The following SNTB2 variants were observed in gnomAD, a reference collection of about 807,000 sequenced individuals.
SNTB2 encodes the protein beta-2-syntrophin.
In SNTB2, 34 loss-of-function variants were observed where a neutral mutation model predicts 46.2. The ratio of observed to expected loss-of-function variants is 0.74; its 90% CI spans 0.56 to 0.98. SNTB2 has a LOEUF of 0.98. Among genes scored for constraint, SNTB2 ranks in the 50% least tolerant of loss-of-function variants. The pLI, the probability that SNTB2 is intolerant of heterozygous loss-of-function variation, is 0.00. For missense variants in SNTB2, 603 were observed against 731.4 expected (o/e 0.82, Z 2.02); for synonymous variants, 290 against 312.6 (o/e 0.93, Z 0.76).
At chr16:69,271,722 A>T in intron 4 of SNTB2, among the ~76,000 whole-genome samples, 1 of 152,206 alleles carries the variant, frequency 6.6e-6, no homozygotes. Context: ...GAATCAGCTT[A>T]CACTTTGGTT....
chr16:69,225,933 A>G (rs1252223948), intron 1 of SNTB2, among the ~76,000 whole-genome samples: 1 of 151,598 alleles, frequency 6.6e-6, no homozygotes, highest in Non-Finnish European at 1.5e-5. Context: ...ACACCTGGCT[A>G]ATTTTTGTAG....
rs1191020545 is a variant in SNTB2, at chr16:69,303,580, A to G, written c.*2656A>G. On this transcript the variant is annotated 3_prime_UTR_variant, in exon 7 of 7. Coordinates refer to ENST00000336278, the MANE Select transcript of SNTB2 (RefSeq NM_006750.4). ...TAATATCTTTTGAGTCTTGCTGTGA[A>G]ATGAAAGTGTGGGAGGTTTCCTTTG... 1 of 152,634 alleles carries G rather than the reference A, an allele frequency of 6.6e-6. No homozygotes were observed. Among genetic ancestry groups the G allele is most frequent in the Non-Finnish European group, 1.5e-5 (1 of 68,050 alleles). The allele number at this position is 152,634 out of a possible 1,614,324, so 9.5% of individuals were successfully genotyped here. A position where few individuals can be genotyped will look rare whatever the true frequency, so the allele number is the denominator to read the frequency against.
At chr16:69,206,810 G>A (rs1294744854) in intron 1 of SNTB2, among the ~76,000 whole-genome samples, 1 of 151,422 alleles carries the variant, frequency 6.6e-6, no homozygotes, top group Admixed American at 6.6e-5. Flanking sequence ...TTGTTGCCCA[G>A]GCTGGAGTGC....
chr16:69,305,924 A>C lies in SNTB2; in HGVS notation c.*5000A>C, dbSNP rs932444691. The C allele has an allele frequency of 1.3e-5, 2 of 152,118 alleles. No homozygotes were observed. Among genetic ancestry groups the C allele is most frequent in the Non-Finnish European group, 2.9e-5 (2 of 68,034 alleles). 9.4% of individuals were successfully genotyped at this position (152,118 alleles called of 1,614,324 possible). A position where few individuals can be genotyped will look rare whatever the true frequency, so the allele number is the denominator to read the frequency against. ...AGCAATCTGCCCGCCTCCACCCTTT[A>C]AGCTAAATCTTTCACTGTGCTGGAT... On this transcript the variant is annotated 3_prime_UTR_variant, in exon 7 of 7. Transcript: ENST00000336278.
In SNTB2 at chr16:69,300,977, CAA is replaced by C. The variant is rs34703750; in HGVS notation, c.*64_*65del. On this transcript the variant is annotated 3_prime_UTR_variant, in exon 7 of 7. Coordinates refer to ENST00000336278, the MANE Select transcript of SNTB2 (RefSeq NM_006750.4). ...ACTGTCACAAGAAATATTTCCACCT[CAA>C]AAAAAAAAAAGCACAAAAAGAAACT... 918 of 876,360 alleles carry C rather than the reference CAA, an allele frequency of 1.0e-3. No homozygotes were observed. Among genetic ancestry groups the C allele is most frequent in the South Asian group, 1.3e-3 (77 of 59,376 alleles). The allele number at this position is 876,360 out of a possible 1,614,324, so 54.3% of individuals were successfully genotyped here. A position where few individuals can be genotyped will look rare whatever the true frequency, so the allele number is the denominator to read the frequency against.
At chr16:69,263,844 G>C (rs1212305011) in intron 3 of SNTB2, among the ~76,000 whole-genome samples, 1 of 151,554 alleles carries the variant, frequency 6.6e-6, no homozygotes, top group African/African-American at 2.4e-5. Flanking sequence ...TTTTATTTTA[G>C]TGATATATAC....
At position 69,303,565 on chromosome 16, in the gene SNTB2, T is replaced by C. The variant is rs1965293120; in HGVS notation, c.*2641T>C. ...GGTCTGTAGGGTTCTTAATATCTTTTGAGTCTTGCTGTGAAATGAAAGTGT... is the reference window on the plus strand; with the variant it reads ...GGTCTGTAGGGTTCTTAATATCTTTCGAGTCTTGCTGTGAAATGAAAGTGT... On this transcript the variant is annotated 3_prime_UTR_variant, in exon 7 of 7. Coordinates refer to ENST00000336278, the MANE Select transcript of SNTB2 (RefSeq NM_006750.4). 6.6e-6 allele frequency: 1 copy of C among 152,666 alleles called. No individual in the cohort carries two copies. Among genetic ancestry groups the C allele is most frequent in the Non-Finnish European group, 1.5e-5 (1 of 68,058 alleles). 9.5% of individuals were successfully genotyped at this position (152,666 alleles called of 1,614,324 possible).
At chr16:69,248,537 CAGG>C (rs1249111588) in intron 2 of SNTB2, among the ~76,000 whole-genome samples, 2 of 152,126 alleles carry the variant, frequency 1.3e-5, no homozygotes, top group African/African-American at 4.8e-5. Flanking sequence ...AAGGCCAAGG[CAGG>C]AGAATTGCTT....
At chr16:69,192,561 C>G (rs952768987) in intron 1 of SNTB2, among the ~76,000 whole-genome samples, 2 of 152,160 alleles carry the variant, frequency 1.3e-5, no homozygotes, top group Non-Finnish European at 2.9e-5. Flanking sequence ...GGAATGAGAA[C>G]ATATTCTTCC....
chr16:69,272,226 C>T (rs1412134443), intron 4 of SNTB2, among the ~76,000 whole-genome samples: 3 of 152,040 alleles, frequency 2.0e-5, no homozygotes, highest in African/African-American at 7.2e-5. Flanking sequence ...ATATATCTGA[C>T]GAGACTTGTA....
chr16:69,220,987 T>G (rs975754399), intron 1 of SNTB2, among the ~76,000 whole-genome samples: 1 of 152,224 alleles, frequency 6.6e-6, no homozygotes, highest in Non-Finnish European at 1.5e-5. Context: ...ACTACTTTGT[T>G]TTCTGCCTTT....
At chr16:69,299,270 G>C (rs908839395) in intron 5 of SNTB2, among the ~76,000 whole-genome samples, 5 of 151,792 alleles carry the variant, frequency 3.3e-5, no homozygotes, top group African/African-American at 1.2e-4. Context: ...AGCCTCCTGA[G>C]TAGCTGGGAT....
chr16:69,307,413 G>A lies in SNTB2; in HGVS notation c.*6489G>A, dbSNP rs1271732556. 6.6e-6 allele frequency: 1 copy of A among 151,928 alleles called. No homozygotes were observed. The highest frequency in any genetic ancestry group is 1.5e-5 in the Non-Finnish European group (1 of 67,996). 9.4% of individuals were successfully genotyped at this position (151,928 alleles called of 1,614,324 possible). A position where few individuals can be genotyped will look rare whatever the true frequency, so the allele number is the denominator to read the frequency against. On this transcript the variant is annotated 3_prime_UTR_variant, in exon 7 of 7. Transcript: ENST00000336278. ...TAGTGCAAATTTAGACTTTAGTTTGGGAAAGAGAACAGTATACAGTATCCT... is the reference window on the plus strand; with the variant it reads ...TAGTGCAAATTTAGACTTTAGTTTGAGAAAGAGAACAGTATACAGTATCCT...
At chr16:69,212,314 A>G (rs1203079349) in intron 1 of SNTB2, among the ~76,000 whole-genome samples, 1 of 151,558 alleles carries the variant, frequency 6.6e-6, no homozygotes, top group East Asian at 1.9e-4. Flanking sequence ...AAAGTTGAGC[A>G]TGCCTTTGTG....
chr16:69,261,698 T>C (rs1002257831), intron 3 of SNTB2, among the ~76,000 whole-genome samples: 2 of 152,196 alleles, frequency 1.3e-5, no homozygotes, highest in African/African-American at 4.8e-5. Context: ...CTGAATTGAA[T>C]AGTAATTGTT....
intron 1 of SNTB2, among the ~76,000 whole-genome samples, chr16:69,245,324 G>T (rs911028344): frequency 2.0e-5 from 3 of 152,098 alleles, no homozygotes; most frequent in Admixed American, 6.6e-5. Flanking sequence ...TTCCTGAGTA[G>T]TTGGGACTAC....
intron 1 of SNTB2, among the ~76,000 whole-genome samples, chr16:69,208,432 T>C (rs1007566011): frequency 7.9e-5 from 12 of 151,732 alleles, no homozygotes; most frequent in African/African-American, 2.7e-4. Context: ...GTAAAAGATA[T>C]AGTATAGTAT....
intron 1 of SNTB2, among the ~76,000 whole-genome samples, chr16:69,201,883 C>T (rs1417976056): frequency 1.3e-5 from 2 of 152,016 alleles, no homozygotes; most frequent in Non-Finnish European, 1.5e-5. Flanking sequence ...GTGCTTCATA[C>T]CTGGATGGAA....
At chr16:69,233,945 C>T (rs1255991372) in intron 1 of SNTB2, among the ~76,000 whole-genome samples, 1 of 152,050 alleles carries the variant, frequency 6.6e-6, no homozygotes, top group Admixed American at 6.6e-5. Context: ...CCCCTGCAGT[C>T]CCGCCTGGAC....
Sources: allele counts gnomAD v4.1 joint callset (sites outside exome capture counted in the v4.1 genomes callset), GRCh38; gene constraint gnomAD v4.1.1; transcripts MANE v1.5; gene names NCBI Gene and HGNC (gene_info 2026-07-23, HGNC 2026-07-21).